The following PNPLA5 variants were observed in gnomAD, a reference collection of about 807,000 sequenced individuals.
PNPLA5 encodes patatin-like phospholipase domain-containing protein 5.
In PNPLA5, 44 loss-of-function variants were observed where a neutral mutation model predicts 49.1. That is an observed-to-expected ratio of 0.90 (90% CI 0.70 to 1.15). The LOEUF (loss-of-function observed/expected upper bound fraction) is 1.15. Among genes scored for constraint, PNPLA5 ranks in the 50% most tolerant of loss-of-function variants. PNPLA5 has a pLI of 0.00. For synonymous variants in PNPLA5, 243 were observed against 244.4 expected (o/e 0.99, Z 0.06); for missense variants, 603 against 564.0 (o/e 1.07, Z -0.70).
Position 43,886,417 on chromosome 22 carries a change from C to G in PNPLA5, c.835G>C (p.Asp279His). 1 of 1,614,176 alleles carries G rather than the reference C, an allele frequency of 6.2e-7. No homozygotes were observed. Among genetic ancestry groups the G allele is most frequent in the Non-Finnish European group, 8.5e-7 (1 of 1,180,030 alleles). Residue 279 changes from aspartate (D) to histidine (H), a missense_variant, in exon 6 of 9, where the codon GAT becomes CAT. Physicochemically the swap from Asp to His is moderately conservative, Grantham distance 81. Transcript: ENST00000216177. ...EPPAPADGNWDAGCDQRWKGG... is the reference protein window; with the variant it reads ...EPPAPADGNWHAGCDQRWKGG... ...TTCCAGCGTTGGTCACAGCCAGCAT[C>G]CCAGTTTCCGTCAGCCGGGGCTGGG...
At chr22:43,884,064 A>C in intron 7 of PNPLA5, 149 bp downstream of exon 7, 1 of 634,598 alleles carries the variant, frequency 1.6e-6, no homozygotes, top group Non-Finnish European at 2.6e-6. Context: ...TGAGTCATGC[A>C]GTCAACACCA....
chr22:43,889,331 C>G lies in PNPLA5; in HGVS notation c.700G>C (p.Glu234Gln), dbSNP rs745936433. Residue 234 changes from glutamate to glutamine, a missense_variant and splice_region_variant, in exon 4 of 9, where the codon GAG becomes CAG. Physicochemically the swap from Glu to Gln is conservative, Grantham distance 29. Transcript: ENST00000216177. ...GLICLIPPSL[E>Q]VVADNCRQGY... The stretch of plus-strand genomic sequence containing the variant: ...CACCATCACAGGGCCAGACCTACCT[C>G]GAGGCTGGGGGGTATGAGACATATG... 1 of 1,613,496 alleles carries G rather than the reference C, an allele frequency of 6.2e-7. No individual in the cohort carries two copies. Among genetic ancestry groups the G allele is most frequent in the Non-Finnish European group, 8.5e-7 (1 of 1,179,972 alleles).
chr22:43,891,774 G>C lies in PNPLA5; in HGVS notation c.107C>G (p.Pro36Arg). The change falls in exon 1 of 9, where the codon CCG (proline) becomes CGG (arginine). Residue 36 changes from proline (P) to arginine (R), a missense_variant. Coordinates refer to ENST00000216177, the MANE Select transcript of PNPLA5 (RefSeq NM_138814.4). ...GCGGCGGGCGCCCTGGAGGAGGCGC[G>C]GGGCTCGCTGGCGCAGGCATTCGGT... is the stretch of plus-strand genomic sequence containing the variant. Reference protein sequence around the residue: ...GATECLRQRAPRLLQGARRIY... With the variant: ...GATECLRQRARRLLQGARRIY... 1 of 1,530,490 alleles carries C rather than the reference G, an allele frequency of 6.5e-7. No homozygotes were observed. The highest frequency in any genetic ancestry group is 8.8e-7 in the Non-Finnish European group (1 of 1,141,268). The allele number at this position is 1,530,490 out of a possible 1,614,324, so 94.8% of individuals were successfully genotyped here. A position where few individuals can be genotyped will look rare whatever the true frequency, so the allele number is the denominator to read the frequency against.
chr22:43,889,690 G>C, intron 3 of PNPLA5, 109 bp downstream of exon 3: 1 of 1,516,384 alleles, frequency 6.6e-7, no homozygotes. Context: ...GGAGGGCCTG[G>C]CACACAGTAG....
chr22:43,891,585 G>A, intron 1 of PNPLA5, 103 bp downstream of exon 1: 1 of 1,387,966 alleles, frequency 7.2e-7, no homozygotes, highest in Non-Finnish European at 9.6e-7. Context: ...TGTGCCGGGG[G>A]TAGAGGGCGC....
rs371386938 is a variant in PNPLA5 at position 43,886,482 on chromosome 22, G to A, written c.770C>T (p.Thr257Ile). The A allele has an allele frequency of 1.9e-6, 3 of 1,612,444 alleles. No homozygotes were observed. Among genetic ancestry groups the A allele is most frequent in the Admixed American group, 1.7e-5 (1 of 59,926 alleles). ...CAGCGTCCATAGCACTGGTTCCTTG[G>A]TGAGTCCTGGGTCAGGGGAAGGGAG... ...ALRFLERRGL[T>I]KEPVLWTLVS... Residue 257 changes from threonine to isoleucine, a missense_variant, in exon 6 of 9, where the codon ACC becomes ATC. Physicochemically the swap from Thr to Ile is moderately conservative, Grantham distance 89. Coordinates refer to ENST00000216177, the MANE Select transcript of PNPLA5 (RefSeq NM_138814.4).
chr22:43,883,779 C>T (rs2049633194), intron 7 of PNPLA5, among the ~76,000 whole-genome samples: 1 of 151,546 alleles, frequency 6.6e-6, no homozygotes, highest in South Asian at 2.1e-4. Context: ...CCATTGCACT[C>T]CAGCCTGGGC....
intron 2 of PNPLA5, 108 bp downstream of exon 2, chr22:43,890,954 C>G (rs1457305868): frequency 2.9e-6 from 4 of 1,402,576 alleles, no homozygotes; most frequent in African/African-American, 1.4e-5. Flanking sequence ...ACCCGCCCTC[C>G]CTCCTTCCGC....
Position 43,888,903 on chromosome 22 carries a change from C to T in PNPLA5, c.702+426G>A, listed in dbSNP as rs570065781. Among the ~76,000 whole-genome samples, 3 of 152,328 alleles carry T rather than the reference C, an allele frequency of 2.0e-5. No individual in the cohort carries two copies. The South Asian group carries it at 6.2e-4, about 32-fold the overall frequency. On this transcript the variant is annotated intron_variant, in intron 4 of 8. Coordinates refer to ENST00000216177, the MANE Select transcript of PNPLA5 (RefSeq NM_138814.4). ...GGTCAAGAGCATGGGCCTGAGCCAG[C>T]TCTAGGTCTGAATCCTGGTTTTGCT... is the stretch of plus-strand genomic sequence containing the variant.
rs573232980 is a variant in PNPLA5 at position 43,879,852 on chromosome 22, G to C, written c.*943C>G. 1 of 152,266 alleles carries C rather than the reference G, an allele frequency of 6.6e-6. No homozygotes were observed. The highest frequency in any genetic ancestry group is 2.1e-4 in the South Asian group (1 of 4,804). 9.4% of individuals were successfully genotyped at this position (152,266 alleles called of 1,614,324 possible). A position where few individuals can be genotyped will look rare whatever the true frequency, so the allele number is the denominator to read the frequency against. On this transcript the variant is annotated 3_prime_UTR_variant, in exon 9 of 9. Coordinates refer to ENST00000216177, the MANE Select transcript of PNPLA5 (RefSeq NM_138814.4). ...CCACAGGCATGCACCACCATGCCCA[G>C]CTAAGTTTTTATTATTTTTTTTAGA...
rs547300533 is a variant in PNPLA5 at position 43,889,236 on chromosome 22, G to A, written c.702+93C>T. ...ATGTGTTGTAACTGCCTTCAGGCTCGGGGGGCAGTGGGGGTTAGGAGCACA... is the reference window on the plus strand; with the variant it reads ...ATGTGTTGTAACTGCCTTCAGGCTCAGGGGGCAGTGGGGGTTAGGAGCACA... On this transcript the variant is annotated intron_variant, in intron 4 of 8. Coordinates refer to ENST00000216177, the MANE Select transcript of PNPLA5 (RefSeq NM_138814.4). 5.2e-5 allele frequency: 73 copies of A among 1,399,020 alleles called. No homozygotes were observed. In the African/African-American group the frequency reaches 5.8e-4, roughly 11 times the overall value. The allele number at this position is 1,399,020 out of a possible 1,614,324, so 86.7% of individuals were successfully genotyped here. A position where few individuals can be genotyped will look rare whatever the true frequency, so the allele number is the denominator to read the frequency against.
chr22:43,887,034 C>G (rs2049671890), intron 5 of PNPLA5, among the ~76,000 whole-genome samples: 1 of 151,460 alleles, frequency 6.6e-6, no homozygotes, highest in Admixed American at 6.6e-5. Context: ...TCAGGCTCTC[C>G]AGCCCAGACC....
intron 7 of PNPLA5, among the ~76,000 whole-genome samples, chr22:43,883,944 G>C (rs1023954505): frequency 2.6e-5 from 4 of 152,168 alleles, no homozygotes; most frequent in African/African-American, 9.7e-5. Context: ...CAAAGGTCAC[G>C]GAGACAGTGT....
intron 2 of PNPLA5, 75 bp from the exon 3 acceptor site, chr22:43,889,939 T>C (rs1443397514): frequency 3.8e-6 from 6 of 1,565,572 alleles, no homozygotes; most frequent in Admixed American, 1.9e-5. Flanking sequence ...GCACGGTTTC[T>C]AATCCCAACA....
Position 43,891,052 on chromosome 22 carries a change from CG to C in PNPLA5, c.426+9del. 1 of 1,601,386 alleles carries C rather than the reference CG, an allele frequency of 6.2e-7. No homozygotes were observed. The highest frequency in any genetic ancestry group is 8.5e-7 in the Non-Finnish European group (1 of 1,175,496). On this transcript the variant is annotated intron_variant, in intron 2 of 8. Transcript: ENST00000216177. ...CACCAGCCAAGCCCTGGGCACCCCC[CG>C]CCCCACACCTGGATGAGCTCATCGC...
intron 4 of PNPLA5, among the ~76,000 whole-genome samples, chr22:43,888,017 T>A (rs2049683707): frequency 1.3e-5 from 2 of 152,200 alleles, no homozygotes; most frequent in Admixed American, 1.3e-4. Flanking sequence ...TCTGGCCCCT[T>A]GTAGGGCAGT....
rs145956190 is a variant in PNPLA5, at chr22:43,881,630, A to C, written c.1127T>G (p.Met376Arg). The C allele has an allele frequency of 2.3e-5, 37 of 1,613,540 alleles. No individual in the cohort carries two copies. The Admixed American group carries it at 5.0e-4, about 22-fold the overall frequency. Residue 376 changes from methionine (M) to arginine (R), a missense_variant, in exon 8 of 9, where the codon ATG (methionine) becomes AGG (arginine). By Grantham distance (91) the Met-to-Arg change is moderately conservative. Transcript: ENST00000216177. ...LPDVPADLWW[M>R]QGLLRNMALE... ...GGCCATGTTCCTCAGCAGGCCCTGC[A>C]TCCACCACAAGTCCGCCGGCACATC...
intron 8 of PNPLA5, 148 bp from the exon 9 acceptor site, chr22:43,881,033 C>T: frequency 2.4e-6 from 3 of 1,233,446 alleles, no homozygotes; most frequent in Non-Finnish European, 2.0e-6. Flanking sequence ...CTCAGTGTGG[C>T]TGAGCTGGAA....
At chr22:43,882,816 T>G (rs985021190) in intron 7 of PNPLA5, among the ~76,000 whole-genome samples, 1 of 152,202 alleles carries the variant, frequency 6.6e-6, no homozygotes, top group African/African-American at 2.4e-5. Flanking sequence ...AACTCAACAT[T>G]GAGCAGGACA....
Sources: allele counts gnomAD v4.1 joint callset (sites outside exome capture counted in the v4.1 genomes callset), GRCh38; gene constraint gnomAD v4.1.1; transcripts MANE v1.5; gene names NCBI Gene and HGNC (gene_info 2026-07-23, HGNC 2026-07-21).